The following EPB41L4B variants were observed in gnomAD, a reference collection of about 807,000 sequenced individuals.
EPB41L4B encodes the protein erythrocyte membrane protein band 4.1 like 4B, also known as band 4.1-like protein 4B.
Under a neutral mutation model 112.5 loss-of-function variants are expected in EPB41L4B, and 30 were observed. That is an observed-to-expected ratio of 0.27 (90% CI 0.20 to 0.36). The LOEUF (loss-of-function observed/expected upper bound fraction) is 0.36. EPB41L4B is among the 10% of genes least tolerant of loss of function. The probability of loss-of-function intolerance (pLI) is 1.00; values close to 1 mark genes in which losing one functional copy is unlikely to be tolerated. For missense variants in EPB41L4B, 1,024 were observed against 1,133.3 expected, an observed-to-expected ratio of 0.90 and a Z score of 1.38; for synonymous variants, 408 against 439.7, an observed-to-expected ratio of 0.93 and a Z score of 0.90.
intron 6 of EPB41L4B, among the ~76,000 whole-genome samples, chr9:109,262,461 G>C (rs936894403): frequency 6.6e-6 from 1 of 151,466 alleles, no homozygotes; most frequent in Non-Finnish European, 1.5e-5. Flanking sequence ...GGGTGTGTGT[G>C]TGTGTGTGTG....
chr9:109,314,788 ACCCTACAGGGG>A (rs1038922843), intron 1 of EPB41L4B, among the ~76,000 whole-genome samples: 3 of 152,012 alleles, frequency 2.0e-5, no homozygotes, highest in Non-Finnish European at 4.4e-5. Flanking sequence ...GCCAATACCT[ACCCTACAGGGG>A]CAAAAAAAGC....
chr9:109,289,946 C>T (rs999920436), intron 1 of EPB41L4B, among the ~76,000 whole-genome samples: 10 of 152,176 alleles, frequency 6.6e-5, no homozygotes, highest in African/African-American at 2.4e-4. Flanking sequence ...GTGATTGATA[C>T]CTGTTTTACG....
chr9:109,239,159 T>C (rs980270919), intron 15 of EPB41L4B, among the ~76,000 whole-genome samples: 2 of 152,110 alleles, frequency 1.3e-5, no homozygotes, highest in Non-Finnish European at 2.9e-5. Flanking sequence ...TCCTATGGGA[T>C]CCATGCCAGT....
In EPB41L4B at chr9:109,258,202, T is replaced by C; in HGVS notation, c.727A>G (p.Ile243Val). 6.2e-7 allele frequency: 1 copy of C among 1,613,922 alleles called. No individual in the cohort carries two copies. Among genetic ancestry groups the C allele is most frequent in the Non-Finnish European group, 8.5e-7 (1 of 1,179,786 alleles). ...CTGCACTCTTTCCATCTCTGGAAGA[T>C]ATCAAATTCCATTGCTTCTGTCTGA... ...PNQTEAMEFD[I>V]FQRWKECRGK... The change falls in exon 7 of 26, where the codon ATC becomes GTC. Residue 243 changes from isoleucine to valine, a missense_variant. By Grantham distance (29) the Ile-to-Val change is conservative (BLOSUM62 3). Transcript: ENST00000374566.
At chr9:109,233,135 G>A (rs1834010468) in intron 15 of EPB41L4B, among the ~76,000 whole-genome samples, 1 of 152,172 alleles carries the variant, frequency 6.6e-6, no homozygotes, top group African/African-American at 2.4e-5. Flanking sequence ...TGAGCCTACA[G>A]GGATGTTCCT....
At chr9:109,266,150 A>C (rs1835393105) in intron 4 of EPB41L4B, among the ~76,000 whole-genome samples, 1 of 152,212 alleles carries the variant, frequency 6.6e-6, no homozygotes, top group Non-Finnish European at 1.5e-5. Flanking sequence ...TCCTATAAGA[A>C]AAACTAACCA....
At chr9:109,178,393 T>C (rs949253002) in intron 24 of EPB41L4B, among the ~76,000 whole-genome samples, 8 of 151,208 alleles carry the variant, frequency 5.3e-5, no homozygotes, top group Admixed American at 6.6e-5. Context: ...TTCTTTTTTT[T>C]TTTTTTGAGT....
chr9:109,201,175 G>A (rs947252914), intron 19 of EPB41L4B, among the ~76,000 whole-genome samples: 3 of 152,202 alleles, frequency 2.0e-5, no homozygotes, highest in East Asian at 1.9e-4. Context: ...TTGAGGCCGG[G>A]TGCAGTGGCT....
At chr9:109,224,383 G>C (rs948831203) in intron 15 of EPB41L4B, among the ~76,000 whole-genome samples, 2 of 152,152 alleles carry the variant, frequency 1.3e-5, no homozygotes, top group Admixed American at 1.3e-4. Flanking sequence ...TATTGAGCAG[G>C]CCATGATGTG....
intron 1 of EPB41L4B, among the ~76,000 whole-genome samples, chr9:109,281,925 T>C (rs990868260): frequency 1.3e-5 from 2 of 152,126 alleles, no homozygotes; most frequent in Non-Finnish European, 2.9e-5. Flanking sequence ...TATGTTCACG[T>C]AAAAACTTGT....
intron 2 of EPB41L4B, among the ~76,000 whole-genome samples, chr9:109,277,082 T>C (rs1835858458): frequency 6.6e-6 from 1 of 152,024 alleles, no homozygotes. Context: ...CAGTCTGACT[T>C]CTAGTTCAGG....
At chr9:109,239,502 G>A (rs1834278668) in intron 15 of EPB41L4B, among the ~76,000 whole-genome samples, 1 of 152,204 alleles carries the variant, frequency 6.6e-6, no homozygotes, top group Non-Finnish European at 1.5e-5. Flanking sequence ...GACTTGGGTA[G>A]ACTGTGGTGA....
At chr9:109,307,376 C>G in intron 1 of EPB41L4B, 1 of 369,324 alleles carries the variant, frequency 2.7e-6, no homozygotes, top group South Asian at 2.2e-5. Flanking sequence ...CTTAAATTTC[C>G]TGCTCTCCCA....
chr9:109,216,658 A>G (rs966914686), intron 16 of EPB41L4B, among the ~76,000 whole-genome samples: 13 of 151,320 alleles, frequency 8.6e-5, no homozygotes, highest in East Asian at 3.9e-4. Flanking sequence ...AAAAAAAAAA[A>G]AAAAGAAAAG....
chr9:109,241,583 C>A, intron 15 of EPB41L4B: 1 of 1,589,492 alleles, frequency 6.3e-7, no homozygotes, highest in South Asian at 1.1e-5. Flanking sequence ...CAAACACATC[C>A]ATCCATCTGA....
intron 1 of EPB41L4B, among the ~76,000 whole-genome samples, chr9:109,282,974 G>A (rs1388607651): frequency 6.6e-6 from 1 of 152,140 alleles, no homozygotes; most frequent in Admixed American, 6.5e-5. Flanking sequence ...GAGCCACCGC[G>A]CCCGGCCAAA....
intron 18 of EPB41L4B, among the ~76,000 whole-genome samples, chr9:109,206,692 G>T (rs1833002759): frequency 6.6e-6 from 1 of 152,216 alleles, no homozygotes; most frequent in Non-Finnish European, 1.5e-5. Context: ...AGGGATACCT[G>T]TTATGAGTTC....
intron 1 of EPB41L4B, among the ~76,000 whole-genome samples, chr9:109,316,390 C>T (rs1293441386): frequency 3.3e-5 from 5 of 152,154 alleles, no homozygotes; most frequent in South Asian, 2.1e-4. Flanking sequence ...AACAGCCACA[C>T]GAGCAAAAGC....
intron 16 of EPB41L4B, among the ~76,000 whole-genome samples, chr9:109,215,261 C>T (rs1240131007): frequency 2.0e-5 from 3 of 152,096 alleles, no homozygotes; most frequent in Non-Finnish European, 4.4e-5. Flanking sequence ...TCGAAGCCTC[C>T]ACTTCAGTAC....
Sources: gnomAD v4.1 joint callset for allele counts (sites outside exome capture counted in the v4.1 genomes callset) on GRCh38, gnomAD v4.1.1 for gene constraint, MANE v1.5 for transcripts, NCBI Gene and HGNC (gene_info 2026-07-23, HGNC 2026-07-21) for gene names.